C11orf65: variants seen among roughly 807,000 people sequenced by gnomAD.
C11orf65 encodes protein MFI.
In C11orf65, 38 loss-of-function variants were observed where a neutral mutation model predicts 35.3. The ratio of observed to expected loss-of-function variants is 1.08; its 90% CI spans 0.83 to 1.41. The LOEUF is 1.41. Ranked by LOEUF, C11orf65 falls within the 40% of genes most tolerant of loss-of-function variation. The pLI, the probability that C11orf65 is intolerant of heterozygous loss-of-function variation, is 0.00. For synonymous variants in C11orf65, 105 were observed against 114.4 expected (o/e 0.92, Z 0.53); for missense variants, 370 against 367.1 (o/e 1.01, Z -0.06).
At chr11:108,367,584 T>C (rs2091399943) in intron 2 of C11orf65, 1 of 207,072 alleles carries the variant, frequency 4.8e-6, no homozygotes, top group African/African-American at 2.3e-5. Flanking sequence ...GCTGCGGAGA[T>C]TAACAAATGG....
At position 108,406,216 on chromosome 11, in the gene C11orf65, G is replaced by A. The variant is rs569829210; in HGVS notation, c.429+547C>T. On this transcript the variant is annotated intron_variant, in intron 5 of 8. Transcript: ENST00000393084. ...ATCCCCTGCATCCAGAACAATGTCT[G>A]GTATATGGTTGATATGCAATAGTTT... is the stretch of plus-strand genomic sequence containing the variant. 7.2e-5 allele frequency among the ~76,000 whole-genome samples: 11 copies of A among 152,224 alleles called. No individual in the cohort carries two copies. In the South Asian group the frequency reaches 2.3e-3, roughly 32 times the overall value.
chr11:108,336,899 G>C (rs2086916146), intron 2 of C11orf65, among the ~76,000 whole-genome samples: 1 of 152,070 alleles, frequency 6.6e-6, no homozygotes, highest in Non-Finnish European at 1.5e-5. Context: ...ATTTTGAAGG[G>C]CCTATTTTCC....
upstream of C11orf65, among the ~76,000 whole-genome samples, chr11:108,468,274 C>T (rs1814506596): frequency 6.6e-6 from 1 of 152,208 alleles, no homozygotes; most frequent in South Asian, 2.1e-4. Flanking sequence ...GTAAGCTCTT[C>T]AGCTGGTTAA....
intron 2 of C11orf65, among the ~76,000 whole-genome samples, chr11:108,344,726 G>A (rs750204677): frequency 2.6e-5 from 4 of 152,126 alleles, no homozygotes; most frequent in East Asian, 1.9e-4. Context: ...GTTGGGGGGC[G>A]GGTGTGGTAG....
chr11:108,364,131 G>C (rs2091089358), intron 2 of C11orf65, among the ~76,000 whole-genome samples: 1 of 152,140 alleles, frequency 6.6e-6, no homozygotes, highest in African/African-American at 2.4e-5. Context: ...TGCTAATCTA[G>C]TACGTGTCCT....
intron 6 of C11orf65, chr11:108,326,244 C>A (rs2136342106): frequency 6.2e-7 from 1 of 1,613,458 alleles, no homozygotes; most frequent in Non-Finnish European, 8.5e-7. Context: ...TTTTTATTGG[C>A]TGGATTAGTG....
intron 3 of C11orf65, chr11:108,333,766 C>A: frequency 1.2e-6 from 1 of 835,436 alleles, no homozygotes; most frequent in Non-Finnish European, 2.1e-6. Context: ...ATTTCTCAAT[C>A]AGAGCCTGAA....
chr11:108,406,369 C>T (rs1038620932), intron 5 of C11orf65, among the ~76,000 whole-genome samples: 2 of 152,084 alleles, frequency 1.3e-5, no homozygotes, highest in African/African-American at 4.8e-5. Flanking sequence ...CTCTGTCGCC[C>T]AGGCTGAAGT....
chr11:108,346,566 G>A (rs2088432789), intron 2 of C11orf65: 1 of 152,062 alleles, frequency 6.6e-6, no homozygotes. Flanking sequence ...GGAAGGCAGG[G>A]CATGTATGTT....
intron 4 of C11orf65, 28 bp downstream of exon 4, chr11:108,407,068 T>A: frequency 6.3e-7 from 1 of 1,596,182 alleles, no homozygotes; most frequent in Non-Finnish European, 8.6e-7. Context: ...GCTTTATAAC[T>A]ACTAAATAAG....
At chr11:108,382,080 C>T (rs1200465010), downstream of C11orf65, among the ~76,000 whole-genome samples, 1 of 152,160 alleles carries the variant, frequency 6.6e-6, no homozygotes, top group Non-Finnish European at 1.5e-5. Context: ...GCAGATTCTC[C>T]AACCCAGTCA....
chr11:108,465,598 G>C (rs1325939734), intron 1 of C11orf65, among the ~76,000 whole-genome samples: 1 of 152,098 alleles, frequency 6.6e-6, no homozygotes, highest in Non-Finnish European at 1.5e-5. Flanking sequence ...GGAAAGTTGA[G>C]ACAGTAAGTA....
In C11orf65 at chr11:108,322,249, G is replaced by A. The variant is rs559558501; in HGVS notation, c.641-13178C>T. 2.0e-5 allele frequency among the ~76,000 whole-genome samples: 3 copies of A among 152,166 alleles called. No homozygotes were observed. The South Asian group carries it at 6.2e-4, about 32-fold the overall frequency. On this transcript the variant is annotated intron_variant, in intron 6 of 6. Transcript: ENST00000525729. ...AGCTCACTGCAGTCTCCACCTCCCA[G>A]GTTCAAGCGATTCTCCTGCCTCAGC...
chr11:108,465,813 C>T (rs2093528693), intron 1 of C11orf65, among the ~76,000 whole-genome samples: 1 of 151,618 alleles, frequency 6.6e-6, no homozygotes, highest in East Asian at 1.9e-4. Flanking sequence ...GGAGAAATCC[C>T]GTCTCTACTA....
intron 2 of C11orf65, chr11:108,365,054 T>A (rs1232907036): frequency 1.2e-6 from 2 of 1,611,904 alleles, no homozygotes; most frequent in East Asian, 4.5e-5. Flanking sequence ...TACATTGTTC[T>A]TTTAATACAT....
At chr11:108,333,838 A>G (rs760787317) in intron 3 of C11orf65, 5 of 1,429,240 alleles carry the variant, frequency 3.5e-6, no homozygotes, top group Admixed American at 1.7e-5. Flanking sequence ...TTGACCTTCA[A>G]TGCTGTTCCT....
intron 2 of C11orf65, among the ~76,000 whole-genome samples, chr11:108,435,302 C>T (rs2093045683): frequency 6.6e-6 from 1 of 151,878 alleles, no homozygotes; most frequent in Non-Finnish European, 1.5e-5. Flanking sequence ...CCATCTTGTT[C>T]TCCTCATACC....
In C11orf65 at chr11:108,332,814, C is replaced by T. The variant is rs769207177; in HGVS notation, c.300-1247G>A. The T allele has an allele frequency of 1.2e-6, 2 of 1,613,274 alleles. No homozygotes were observed. The highest frequency in any genetic ancestry group is 1.7e-6 in the Non-Finnish European group (2 of 1,179,668). ...ATATGTACTATCAGAAGTAGGAGACCTCAGATGGTCAGAAGTGTTGAGGCA... is the reference window on the plus strand; with the variant it reads ...ATATGTACTATCAGAAGTAGGAGACTTCAGATGGTCAGAAGTGTTGAGGCA... On this transcript the variant is annotated intron_variant, in intron 3 of 3. Transcript: ENST00000524755.
At chr11:108,309,174 G>A in intron 6 of C11orf65, 2 of 599,110 alleles carry the variant, frequency 3.3e-6, no homozygotes, top group East Asian at 2.9e-5. Flanking sequence ...ACAGTATGTT[G>A]GGCAAAAACA....
Sources: gnomAD v4.1 joint callset for allele counts (sites outside exome capture counted in the v4.1 genomes callset) on GRCh38, gnomAD v4.1.1 for gene constraint, MANE v1.5 for transcripts, NCBI Gene and HGNC (gene_info 2026-07-23, HGNC 2026-07-21) for gene names.